Variants in RAVER2 observed in about 807,000 individuals in gnomAD.
The protein encoded by RAVER2 is ribonucleoprotein, PTB binding 2.
A neutral mutation model predicts 78.1 loss-of-function variants in RAVER2; 46 were observed. That is an observed-to-expected ratio of 0.59 (90% CI 0.46 to 0.75). The LOEUF is 0.75. RAVER2 is among the 30% of genes least tolerant of loss of function. The pLI is 0.00. For synonymous variants in RAVER2, 311 were observed against 313.3 expected, an observed-to-expected ratio of 0.99 and a Z score of 0.08; for missense variants, 793 against 837.5, an observed-to-expected ratio of 0.95 and a Z score of 0.66.
At chr1:64,828,725 T>C (rs1237277700) in intron 11 of RAVER2, among the ~76,000 whole-genome samples, 3 of 151,998 alleles carry the variant, frequency 2.0e-5, no homozygotes, top group African/African-American at 4.8e-5. Context: ...TTTAAGTGTA[T>C]AGTTTAGTAA....
intron 1 of RAVER2, among the ~76,000 whole-genome samples, chr1:64,755,036 G>A (rs527877697): frequency 1.3e-5 from 2 of 152,288 alleles, no homozygotes; most frequent in South Asian, 2.1e-4. Flanking sequence ...TAGGTTCTGT[G>A]CCTGGCCCAG....
chr1:64,831,776 A>C (rs1411455555), exon 12 of RAVER2: 1 of 152,236 alleles, frequency 6.6e-6, no homozygotes, highest in Admixed American at 6.5e-5. Flanking sequence ...GAAAAAAGAA[A>C]ACTTATGACA....
chr1:64,832,014 T>TAATA (rs1157091960), exon 12 of RAVER2: 1 of 151,868 alleles, frequency 6.6e-6, no homozygotes, highest in Non-Finnish European at 1.5e-5. Flanking sequence ...GCACTAATTC[T>TAATA]AATAGCAACT....
chr1:64,755,486 T>G (rs541865947), intron 1 of RAVER2, among the ~76,000 whole-genome samples: 2 of 152,108 alleles, frequency 1.3e-5, no homozygotes, highest in Non-Finnish European at 2.9e-5. Context: ...TATTTGTACA[T>G]GCTTTCATTG....
chr1:64,775,020 T>C (rs1032216431), intron 2 of RAVER2, among the ~76,000 whole-genome samples: 1 of 152,236 alleles, frequency 6.6e-6, no homozygotes, highest in Non-Finnish European at 1.5e-5. Flanking sequence ...TTTCCCACAT[T>C]GATTTTGTAT....
chr1:64,796,141 T>A (rs185158304), intron 5 of RAVER2, among the ~76,000 whole-genome samples: 3 of 151,762 alleles, frequency 2.0e-5, no homozygotes, highest in Admixed American at 2.0e-4. Flanking sequence ...CCTCACTTAG[T>A]CATGTTATAT....
intron 5 of RAVER2, among the ~76,000 whole-genome samples, chr1:64,796,373 A>C (rs1018378713): frequency 6.6e-6 from 1 of 152,032 alleles, no homozygotes; most frequent in African/African-American, 2.4e-5. Flanking sequence ...CATATGTTTG[A>C]TAGAATTCGC....
chr1:64,768,783 C>T lies in RAVER2; in HGVS notation c.316+61C>T, dbSNP rs1319067644. The T allele has an allele frequency of 2.8e-6, 3 of 1,061,374 alleles. No individual in the cohort carries two copies. In the African/African-American group the frequency reaches 4.9e-5, roughly 17 times the overall value. The allele number at this position is 1,061,374 out of a possible 1,614,324, so 65.7% of individuals were successfully genotyped here. On this transcript the variant is annotated intron_variant, in intron 2 of 11. Coordinates refer to ENST00000294428, the Ensembl canonical transcript of RAVER2. The stretch of plus-strand genomic sequence containing the variant: ...GATTCTCCCTGTACTCGTTATAGAA[C>T]AAAAAAGCTCAGTGTCTTTTCATGC...
At chr1:64,783,863 A>G (rs1455048776) in intron 4 of RAVER2, among the ~76,000 whole-genome samples, 1 of 152,254 alleles carries the variant, frequency 6.6e-6, no homozygotes, top group Non-Finnish European at 1.5e-5. Context: ...TCTGCACAGC[A>G]AAAGATACTG....
At chr1:64,821,676 C>A (rs911728885) in intron 11 of RAVER2, among the ~76,000 whole-genome samples, 2 of 152,136 alleles carry the variant, frequency 1.3e-5, no homozygotes, top group Non-Finnish European at 2.9e-5. Context: ...GTAAAGACTC[C>A]CTATTCGATA....
At chr1:64,826,949 CTG>C (rs898285439) in intron 11 of RAVER2, among the ~76,000 whole-genome samples, 3 of 152,098 alleles carry the variant, frequency 2.0e-5, no homozygotes, top group African/African-American at 7.2e-5. Flanking sequence ...ATGGGTAAGA[CTG>C]TGTGGGTGGA....
chr1:64,795,484 T>G (rs1176198679), intron 5 of RAVER2, among the ~76,000 whole-genome samples: 1 of 152,118 alleles, frequency 6.6e-6, no homozygotes, highest in Non-Finnish European at 1.5e-5. Flanking sequence ...ATTTAATTTC[T>G]CCCAGCAATG....
At chr1:64,752,040 A>G (rs985206103) in intron 1 of RAVER2, among the ~76,000 whole-genome samples, 3 of 152,278 alleles carry the variant, frequency 2.0e-5, no homozygotes, top group African/African-American at 7.2e-5. Flanking sequence ...ACAGTACTGT[A>G]TATTTTTTGG....
At chr1:64,802,591 T>A (rs542548412) in intron 5 of RAVER2, among the ~76,000 whole-genome samples, 1 of 152,318 alleles carries the variant, frequency 6.6e-6, no homozygotes, top group Admixed American at 6.5e-5. Context: ...AGGACAAGGA[T>A]TGTATCTTGT....
At chr1:64,768,921 T>A (rs1390727743) in intron 2 of RAVER2, among the ~76,000 whole-genome samples, 199 bp downstream of exon 2, 1 of 151,980 alleles carries the variant, frequency 6.6e-6, no homozygotes, top group African/African-American at 2.4e-5. Flanking sequence ...ATGAATATAG[T>A]GTTACTAGAG....
At chr1:64,806,402 AC>A (rs1653420175) in intron 8 of RAVER2, among the ~76,000 whole-genome samples, 1 of 152,140 alleles carries the variant, frequency 6.6e-6, no homozygotes, top group African/African-American at 2.4e-5. Context: ...TGGGAATGAG[AC>A]CCTGACTCAA....
intron 1 of RAVER2, among the ~76,000 whole-genome samples, chr1:64,761,865 T>A (rs898124086): frequency 6.6e-6 from 1 of 152,070 alleles, no homozygotes. Context: ...ATCCCCGGAC[T>A]TGGGGAGGCC....
chr1:64,774,293 G>A (rs1442470183), intron 2 of RAVER2, among the ~76,000 whole-genome samples: 3 of 152,260 alleles, frequency 2.0e-5, no homozygotes, highest in East Asian at 3.9e-4. Flanking sequence ...TTTTCTTCTA[G>A]GGTTTTTATG....
intron 11 of RAVER2, among the ~76,000 whole-genome samples, chr1:64,829,723 A>G (rs1041510026): frequency 6.6e-6 from 1 of 152,210 alleles, no homozygotes; most frequent in Non-Finnish European, 1.5e-5. Flanking sequence ...TACTACCAGG[A>G]AAAAAATGTC....
Sources: allele counts gnomAD v4.1 joint callset (sites outside exome capture counted in the v4.1 genomes callset), GRCh38; gene constraint gnomAD v4.1.1; transcripts MANE v1.5; gene names NCBI Gene and HGNC (gene_info 2026-07-23, HGNC 2026-07-21).